Variants in NT5DC2 observed in about 807,000 individuals in gnomAD.
The protein encoded by NT5DC2 is 5'-nucleotidase domain-containing protein 2.
Under a neutral mutation model 70.0 loss-of-function variants are expected in NT5DC2, and 41 were observed. The observed-to-expected ratio is 0.59, with a 90% CI of 0.46 to 0.76. The LOEUF (loss-of-function observed/expected upper bound fraction) is 0.76. Ranked by LOEUF, NT5DC2 falls within the 30% of genes least tolerant of loss-of-function variation. The pLI, the probability that NT5DC2 is intolerant of heterozygous loss-of-function variation, is 0.00. For synonymous variants in NT5DC2, 299 were observed against 310.4 expected (o/e 0.96, Z 0.39); for missense variants, 705 against 783.2 (o/e 0.90, Z 1.19).
chr3:52,526,543 G>C (rs755136755), intron 10 of NT5DC2: 3 of 152,418 alleles, frequency 2.0e-5, no homozygotes, highest in Non-Finnish European at 4.4e-5. Context: ...AGCCAGGTAG[G>C]AAGGAGGAGT....
intron 11 of NT5DC2, 51 bp downstream of exon 11, chr3:52,525,158 G>C (rs746525536): frequency 1.6e-5 from 24 of 1,481,908 alleles, no homozygotes; most frequent in Non-Finnish European, 2.0e-5. Context: ...GGGCGGGGGG[G>C]GGGGGGTTTC....
Position 52,524,672 on chromosome 3 carries a change from T to G in NT5DC2, c.1472A>C (p.Asn491Thr), listed in dbSNP as rs2079210995. The G allele has an allele frequency of 1.9e-6, 3 of 1,612,454 alleles. No homozygotes were observed. The Admixed American group carries it at 5.0e-5, about 27-fold the overall frequency. Residue 491 changes from asparagine (N) to threonine (T), a missense_variant, in exon 14 of 14, where the codon AAC becomes ACC. Coordinates refer to ENST00000422318, the MANE Select transcript of NT5DC2 (RefSeq NM_001134231.2). ...GAGGCGCCTTGAGAAGTAGGTGGGGTTGTGGAAGGTGCGGAAGATGCTGCC... is the reference window on the plus strand; with the variant it reads ...GAGGCGCCTTGAGAAGTAGGTGGGGGTGTGGAAGGTGCGGAAGATGCTGCC... The part of the protein sequence containing the change: ...QFGSIFRTFH[N>T]PTYFSRRLVR...
rs200707694 is a variant in NT5DC2, at chr3:52,527,369, G to A, written c.1044C>T (p.Phe348=). The change falls in exon 10 of 14, where the codon TTC becomes TTT. Residue 348 remains phenylalanine (F), a synonymous_variant. Coordinates refer to ENST00000422318, the MANE Select transcript of NT5DC2 (RefSeq NM_001134231.2). ...PSFFTDRRKP[F]RKLDEKGSLQ... is the part of the protein sequence containing the mutation. ...GTGAGCCCTTCTCATCGAGTTTTCT[G>A]AAAGGCCTGGGGTGCAGGTAAAGGG... The A allele has an allele frequency of 6.2e-7, 1 of 1,614,116 alleles. No individual in the cohort carries two copies. Among genetic ancestry groups the A allele is most frequent in the Non-Finnish European group, 8.5e-7 (1 of 1,180,002 alleles).
At position 52,524,703 on chromosome 3, in the gene NT5DC2, G is replaced by A. The variant is rs1422469314; in HGVS notation, c.1441C>T (p.Gln481Ter). 6.2e-7 allele frequency: 1 copy of A among 1,612,780 alleles called. No homozygotes were observed. ...AAGGTGCGGAAGATGCTGCCGAACT[G>A]CGCATTGAACAGGGCCTTGGTGATG... ...RCITKALFNA[Q>*]FGSIFRTFHN... Residue 481 changes from glutamine to a stop codon, truncating the protein, a stop_gained, in exon 14 of 14, where the codon CAG (glutamine) becomes TAG (stop). Coordinates refer to ENST00000422318, the MANE Select transcript of NT5DC2 (RefSeq NM_001134231.2). LOFTEE classifies it high-confidence loss of function.
Position 52,533,662 on chromosome 3 carries a change from A to G in NT5DC2, c.76T>C (p.Ser26Pro), listed in dbSNP as rs1481708754. ...CACCCAGGGCAGGAGGGCGAGGACG[A>G]GGCGGCTCGCGGCCCGCCGTGGCCT... Reference protein sequence around the residue: ...CGGHGGPRAASSSPSCPGCGP... With the variant: ...CGGHGGPRAAPSSPSCPGCGP... The change falls in exon 1 of 14, where the codon TCG (serine) becomes CCG (proline). Residue 26 changes from serine (S) to proline (P), a missense_variant. Ser to Pro is a moderately conservative substitution (Grantham distance 74). Transcript: ENST00000422318. The G allele has an allele frequency of 1.7e-6, 2 of 1,156,442 alleles. No individual in the cohort carries two copies. Among genetic ancestry groups the G allele is most frequent in the Admixed American group, 9.6e-5 (2 of 20,790 alleles). 71.6% of individuals were successfully genotyped at this position (1,156,442 alleles called of 1,614,324 possible). A position where few individuals can be genotyped will look rare whatever the true frequency, so the allele number is the denominator to read the frequency against.
upstream of NT5DC2, chr3:52,534,615 AATT>A: frequency 6.2e-7 from 1 of 1,613,776 alleles, no homozygotes; most frequent in Non-Finnish European, 8.5e-7. Context: ...TTTCCAACAA[AATT>A]CCTCTTTCCT....
Position 52,527,330 on chromosome 3 carries a change from C to A in NT5DC2, c.1083G>T (p.Arg361=), listed in dbSNP as rs1485772639. 1.2e-6 allele frequency: 2 copies of A among 1,614,172 alleles called. No homozygotes were observed. The highest frequency in any genetic ancestry group is 8.5e-7 in the Non-Finnish European group (1 of 1,180,016). The change falls in exon 10 of 14, where the codon CGG becomes CGT. Residue 361 remains arginine (R), a synonymous_variant. Coordinates refer to ENST00000422318, the MANE Select transcript of NT5DC2 (RefSeq NM_001134231.2). ...LDEKGSLQWD[R]ITRLEKGKIY... is the part of the protein sequence containing the mutation. ...TCTTGCCCTTTTCCAAGCGGGTGAT[C>A]CGGTCCCACTGAAGTGAGCCCTTCT... is the stretch of plus-strand genomic sequence containing the variant.
rs747428690 is a variant in NT5DC2, at chr3:52,524,970, C to T, written c.1340G>A (p.Arg447His). The part of the protein sequence containing the change: ...WQQALTGLLE[R>H]MQTYQDAESR... ...AGCCACCCCGGCCCACACCTGCATGCGCTCCAGCAGCCCCGTGAGCGCCTG... is the reference window on the plus strand; with the variant it reads ...AGCCACCCCGGCCCACACCTGCATGTGCTCCAGCAGCCCCGTGAGCGCCTG... The change falls in exon 12 of 14, where the codon CGC (arginine) becomes CAC (histidine). Residue 447 changes from arginine (R) to histidine (H), a missense_variant. Physicochemically the swap from Arg to His is conservative, Grantham distance 29. Coordinates refer to ENST00000422318, the MANE Select transcript of NT5DC2 (RefSeq NM_001134231.2). The T allele has an allele frequency of 3.7e-5, 59 of 1,611,532 alleles. No homozygotes were observed. Among genetic ancestry groups the T allele is most frequent in the East Asian group, 6.7e-5 (3 of 44,846 alleles).
intron 8 of NT5DC2, 27 bp downstream of exon 8, chr3:52,527,802 C>T (rs2079300469): frequency 2.5e-6 from 4 of 1,611,550 alleles, no homozygotes; most frequent in Non-Finnish European, 3.4e-6. Flanking sequence ...GCCCTGCTGT[C>T]CCTCCATCCA....
At chr3:52,534,112 G>A (rs2079399508), upstream of NT5DC2, 1 of 273,854 alleles carries the variant, frequency 3.7e-6, no homozygotes, top group Non-Finnish European at 7.0e-6. Flanking sequence ...GCTCCGGACG[G>A]CCGAGGCGCC....
upstream of NT5DC2, chr3:52,534,459 C>T: frequency 6.2e-7 from 1 of 1,607,900 alleles, no homozygotes; most frequent in Non-Finnish European, 8.5e-7. Flanking sequence ...GGTGACTGGG[C>T]CGTGCGCTGC....
upstream of NT5DC2, chr3:52,534,798 T>C: frequency 1.0e-6 from 1 of 996,622 alleles, no homozygotes; most frequent in Non-Finnish European, 1.5e-6. Context: ...CGCGCTGTCT[T>C]TCAGGGTGTG....
Position 52,525,112 on chromosome 3 carries a change from T to A in NT5DC2, c.1207-9A>T, listed in dbSNP as rs1414243026. On this transcript the variant is annotated splice_polypyrimidine_tract_variant and intron_variant, in intron 11 of 13. Transcript: ENST00000422318. ...TGCCGCAGCATGAGATCCTGGTGGG[T>A]GGGGCGGCAGAACTGGGCTCAGCGC... 13 of 955,048 alleles carry A rather than the reference T, an allele frequency of 1.4e-5. No individual in the cohort carries two copies. In the African/African-American group the frequency reaches 2.2e-4, roughly 16 times the overall value. 59.2% of individuals were successfully genotyped at this position (955,048 alleles called of 1,614,324 possible).
At position 52,529,405 on chromosome 3, in the gene NT5DC2, C is replaced by G; in HGVS notation, c.233-71G>C. On this transcript the variant is annotated intron_variant, in intron 1 of 13. Coordinates refer to ENST00000422318, the MANE Select transcript of NT5DC2 (RefSeq NM_001134231.2). The surrounding 1 kb of genome is among the most constrained non-coding windows in gnomAD (Gnocchi z 4.1). ...CTGCAGCAGCTATGGCTCCTGAGCACTCTGTGGGGACCTAGCCCTGTGAGC... is the reference window on the plus strand; with the variant it reads ...CTGCAGCAGCTATGGCTCCTGAGCAGTCTGTGGGGACCTAGCCCTGTGAGC... 1 of 1,456,540 alleles carries G rather than the reference C, an allele frequency of 6.9e-7. No individual in the cohort carries two copies. The highest frequency in any genetic ancestry group is 1.2e-5 in the South Asian group (1 of 83,876). The allele number at this position is 1,456,540 out of a possible 1,614,324, so 90.2% of individuals were successfully genotyped here. A position where few individuals can be genotyped will look rare whatever the true frequency, so the allele number is the denominator to read the frequency against.
Position 52,524,993 on chromosome 3 carries a change from C to T in NT5DC2, c.1317G>A (p.Gln439=). ...TGCGCTCCAGCAGCCCCGTGAGCGC[C>T]TGCTGCCACGTCAGCGAGTGCATGT... ...EQYMHSLTWQ[Q]ALTGLLERMQ... is the part of the protein sequence containing the mutation. The change falls in exon 12 of 14, where the codon CAG becomes CAA. Residue 439 remains glutamine (Q), a synonymous_variant. Transcript: ENST00000422318. 6.2e-7 allele frequency: 1 copy of T among 1,610,728 alleles called. No homozygotes were observed. Among genetic ancestry groups the T allele is most frequent in the South Asian group, 1.1e-5 (1 of 90,904 alleles).
intron 4 of NT5DC2, 48 bp from the exon 5 acceptor site, chr3:52,528,587 A>ACAG (rs2079314419): frequency 1.0e-6 from 1 of 996,204 alleles, no homozygotes; most frequent in Non-Finnish European, 1.4e-6. Context: ...CTGAGCCAGA[A>ACAG]CAGCAGTGTA....
intron 10 of NT5DC2, chr3:52,526,144 CAT>C (rs2079265143): frequency 6.6e-6 from 1 of 152,340 alleles, no homozygotes; most frequent in Non-Finnish European, 1.5e-5. Flanking sequence ...GGAAGAAAGT[CAT>C]GTGTTTCTCA....
chr3:52,534,267 G>A (rs1423310520), upstream of NT5DC2: 3 of 567,108 alleles, frequency 5.3e-6, no homozygotes, highest in Non-Finnish European at 9.5e-6. Flanking sequence ...TAGTCCTGGT[G>A]CTCTCCTTTC....
Position 52,528,074 on chromosome 3 carries a change from C to T in NT5DC2, c.772-1G>A. The T allele has an allele frequency of 1.9e-6, 3 of 1,612,664 alleles. No individual in the cohort carries two copies. Among genetic ancestry groups the T allele is most frequent in the Non-Finnish European group, 2.5e-6 (3 of 1,179,772 alleles). ...TCACATGCACGTCTCGGATGGCGTC[C>T]TGGGGGCAGTGGAGGACAATGAGGG... is the stretch of plus-strand genomic sequence containing the variant. On this transcript the variant is annotated splice_acceptor_variant, in intron 6 of 13. Transcript: ENST00000422318. LOFTEE classifies it high-confidence loss of function.
Sources: gnomAD v4.1 joint callset for allele counts on GRCh38, gnomAD v4.1.1 for gene constraint, Gnocchi (gnomAD v3.1) non-coding constraint, MANE v1.5 for transcripts, NCBI Gene and HGNC (gene_info 2026-07-23, HGNC 2026-07-21) for gene names.